Variants in ACSS1 observed in about 807,000 individuals in gnomAD.
The protein encoded by ACSS1 is acetyl-coenzyme A synthetase 2-like, mitochondrial.
Under a neutral mutation model 75.3 loss-of-function variants are expected in ACSS1, and 42 were observed. The observed-to-expected ratio is 0.56, with a 90% CI of 0.44 to 0.72. The LOEUF is 0.72. Among genes scored for constraint, ACSS1 ranks in the 30% least tolerant of loss-of-function variants. ACSS1 has a pLI of 0.00. For synonymous variants in ACSS1, 380 were observed against 376.8 expected (o/e 1.01, Z -0.10); for missense variants, 782 against 935.7 (o/e 0.84, Z 2.14).
chr20:25,008,464 TC>T (rs1352087691), intron 13 of ACSS1, among the ~76,000 whole-genome samples: 1 of 152,234 alleles, frequency 6.6e-6, no homozygotes, highest in Non-Finnish European at 1.5e-5. Context: ...AGTCATTCTG[TC>T]TTTTGAAATA....
chr20:25,022,832 C>T, intron 5 of ACSS1, 108 bp downstream of exon 5: 1 of 1,395,554 alleles, frequency 7.2e-7, no homozygotes, highest in Non-Finnish European at 9.4e-7. Flanking sequence ...CAGGAAGAAA[C>T]ACTGACCTCT....
chr20:25,009,413 A>G (rs559350112), intron 12 of ACSS1, 25 bp from the exon 13 acceptor site: 5 of 1,585,860 alleles, frequency 3.2e-6, no homozygotes, highest in Non-Finnish European at 4.3e-6. Flanking sequence ...AAGTTTGGGG[A>G]TGTATTAAAT....
At chr20:25,029,158 T>C (rs1253954295) in intron 3 of ACSS1, among the ~76,000 whole-genome samples, 2 of 152,194 alleles carry the variant, frequency 1.3e-5, no homozygotes, top group Admixed American at 6.5e-5. Context: ...ATTCAGAATA[T>C]ATAAGTAACT....
intron 2 of ACSS1, among the ~76,000 whole-genome samples, chr20:25,044,585 C>A (rs1320922228): frequency 6.6e-6 from 1 of 152,154 alleles, no homozygotes; most frequent in African/African-American, 2.4e-5. Context: ...TACACTCCAG[C>A]CTGGGTGACA....
chr20:25,058,041 G>A lies in ACSS1; in HGVS notation c.62C>T (p.Ser21Leu), dbSNP rs2089270933. Residue 21 changes from serine (S) to leucine (L), a missense_variant, in exon 1 of 14, where the codon TCG becomes TTG. Coordinates refer to ENST00000323482, the MANE Select transcript of ACSS1 (RefSeq NM_032501.4). ...GRLLGSLRGL[S>L]GQPARPPCGV... ...GCACGGCGGCCGCGCGGGCTGCCCCGAGAGCCCTCGCAGGCTGCCCAGCAG... is the reference window on the plus strand; with the variant it reads ...GCACGGCGGCCGCGCGGGCTGCCCCAAGAGCCCTCGCAGGCTGCCCAGCAG... 2 of 1,359,094 alleles carry A rather than the reference G, an allele frequency of 1.5e-6. No individual in the cohort carries two copies. Among genetic ancestry groups the A allele is most frequent in the Non-Finnish European group, 1.9e-6 (2 of 1,063,882 alleles). 84.2% of individuals were successfully genotyped at this position (1,359,094 alleles called of 1,614,324 possible). A position where few individuals can be genotyped will look rare whatever the true frequency, so the allele number is the denominator to read the frequency against.
chr20:25,031,024 G>T, intron 2 of ACSS1, 66 bp from the exon 3 acceptor site: 1 of 1,542,288 alleles, frequency 6.5e-7, no homozygotes. Flanking sequence ...CAGTTTGGGG[G>T]TGGAGCAATA....
At chr20:25,013,827 C>A in intron 9 of ACSS1, 134 bp downstream of exon 9, 1 of 1,309,786 alleles carries the variant, frequency 7.6e-7, no homozygotes, top group Non-Finnish European at 1.0e-6. Context: ...ATGATACCAG[C>A]TGCAGTGAAC....
chr20:25,013,493 G>C, intron 10 of ACSS1, 43 bp downstream of exon 10: 2 of 1,556,246 alleles, frequency 1.3e-6, no homozygotes, highest in Non-Finnish European at 1.7e-6. Context: ...GATTCCAGCA[G>C]TCAGCTGAAA....
At chr20:25,016,114 C>T (rs1205477843) in intron 7 of ACSS1, among the ~76,000 whole-genome samples, 1 of 152,142 alleles carries the variant, frequency 6.6e-6, no homozygotes, top group Non-Finnish European at 1.5e-5. Flanking sequence ...AAGAAGATGG[C>T]GAACCTCCAC....
At chr20:25,032,635 C>T (rs781444594) in intron 2 of ACSS1, 266 of 1,228,524 alleles carry the variant, frequency 2.2e-4, no homozygotes, top group Admixed American at 8.9e-4. Context: ...AGACCCTCCT[C>T]GGGCTCTCAA....
At chr20:25,017,668 GGTGT>G (rs2088543365) in intron 7 of ACSS1, among the ~76,000 whole-genome samples, 1 of 152,212 alleles carries the variant, frequency 6.6e-6, no homozygotes, top group African/African-American at 2.4e-5. Flanking sequence ...CTGGCTCAGA[GGTGT>G]TCCAAGTCTG....
chr20:25,021,508 A>G lies in ACSS1; in HGVS notation c.989T>C (p.Ile330Thr), dbSNP rs765772296. The change falls in exon 6 of 14, where the codon ATC becomes ACC. Residue 330 changes from isoleucine to threonine, a missense_variant. Physicochemically the swap from Ile to Thr is moderately conservative, Grantham distance 89 (BLOSUM62 -1). This residue lies in a region of ACSS1 where 405 missense variants were observed against 552.6 expected (regional missense o/e 0.73). Coordinates refer to ENST00000323482, the MANE Select transcript of ACSS1 (RefSeq NM_032501.4). ...ACCGATGTCGGCCACACAGCCAAAG[A>G]TGTCACCTGGCTGGTGGTCAAACAC... ...KLVFDHQPGD[I>T]FGCVADIGWI... is the part of the protein sequence containing the mutation. 6.2e-6 allele frequency: 10 copies of G among 1,614,050 alleles called. No individual in the cohort carries two copies. The African/African-American group carries it at 9.3e-5, about 15-fold the overall frequency.
intron 12 of ACSS1, chr20:25,011,457 C>T (rs1300798080): frequency 6.6e-6 from 1 of 152,260 alleles, no homozygotes; most frequent in Non-Finnish European, 1.5e-5. Flanking sequence ...CTGTGGACCC[C>T]CAGCCCAGAG....
chr20:25,050,987 C>T (rs1044431434), intron 1 of ACSS1, among the ~76,000 whole-genome samples: 2 of 152,158 alleles, frequency 1.3e-5, no homozygotes, highest in African/African-American at 4.8e-5. Flanking sequence ...CAGTGTCCCC[C>T]AGGTGCCTCG....
chr20:25,048,985 T>G (rs1600349652), intron 1 of ACSS1, among the ~76,000 whole-genome samples: 1 of 152,110 alleles, frequency 6.6e-6, no homozygotes, highest in Admixed American at 6.6e-5. Flanking sequence ...GGTCCCCAGG[T>G]ATGCAGGGAC....
At chr20:25,031,027 G>A (rs1192663818) in intron 2 of ACSS1, 69 bp from the exon 3 acceptor site, 14 of 1,493,124 alleles carry the variant, frequency 9.4e-6, no homozygotes, top group Non-Finnish European at 1.2e-5. Flanking sequence ...TTTGGGGGTG[G>A]AGCAATACTG....
chr20:25,046,890 G>A (rs6083730), intron 2 of ACSS1: 521,725 of 779,446 alleles, frequency 0.67, 176,968 homozygotes, highest in African/African-American at 0.84. Context: ...TAAGAAATGC[G>A]TGCTGTATAG....
chr20:25,039,824 T>G (rs1349235145), intron 2 of ACSS1, among the ~76,000 whole-genome samples: 1 of 152,272 alleles, frequency 6.6e-6, no homozygotes, highest in Admixed American at 6.5e-5. Flanking sequence ...CACTTGGCCT[T>G]TGGCCCAAGT....
intron 12 of ACSS1, chr20:25,010,456 A>G (rs1437756092): frequency 3.9e-5 from 6 of 152,386 alleles, no homozygotes; most frequent in Middle Eastern, 3.4e-3. Flanking sequence ...TGAACAAGCT[A>G]TGATCTGTAA....
Sources: gnomAD v4.1 joint callset for allele counts (sites outside exome capture counted in the v4.1 genomes callset) on GRCh38, gnomAD v4.1.1 for gene constraint, gnomAD v4.1.1 regional missense constraint, MANE v1.5 for transcripts, NCBI Gene and HGNC (gene_info 2026-07-23, HGNC 2026-07-21) for gene names.